The following DPP10 variants were observed in gnomAD, a reference collection of about 807,000 sequenced individuals.
The protein encoded by DPP10 is inactive dipeptidyl peptidase 10.
A neutral mutation model predicts 120.9 loss-of-function variants in DPP10; 33 were observed. That is an observed-to-expected ratio of 0.27 (90% CI 0.21 to 0.37). The LOEUF is 0.37. Among genes scored for constraint, DPP10 ranks in the 10% least tolerant of loss-of-function variants. The pLI is 1.00. For missense variants in DPP10, 816 were observed against 942.8 expected (o/e 0.87, Z 1.76); for synonymous variants, 337 against 326.1 (o/e 1.03, Z -0.36).
intron 1 of DPP10, among the ~76,000 whole-genome samples, chr2:115,083,485 A>C (rs1708441735): frequency 6.6e-6 from 1 of 152,160 alleles, no homozygotes; most frequent in Non-Finnish European, 1.5e-5. Context: ...CTACTAGAGA[A>C]ACCTGGCATA....
intron 1 of DPP10, among the ~76,000 whole-genome samples, chr2:114,602,830 A>G (rs1314092070): frequency 6.6e-6 from 1 of 152,000 alleles, no homozygotes; most frequent in Non-Finnish European, 1.5e-5. Flanking sequence ...GGTTTTTATT[A>G]TTGTTGTTTG....
At chr2:115,470,640 T>C (rs1258930744) in intron 3 of DPP10, among the ~76,000 whole-genome samples, 2 of 152,170 alleles carry the variant, frequency 1.3e-5, no homozygotes, top group Non-Finnish European at 2.9e-5. Context: ...CCATCACTGT[T>C]TGTGTGAGCA....
intron 1 of DPP10, among the ~76,000 whole-genome samples, chr2:115,292,075 G>A (rs1559375415): frequency 6.6e-6 from 1 of 151,882 alleles, no homozygotes; most frequent in African/African-American, 2.4e-5. Flanking sequence ...AAATATTTCT[G>A]GAAAAAAATT....
chr2:115,528,874 C>CT (rs113856069), intron 5 of DPP10, among the ~76,000 whole-genome samples: 31,282 of 151,814 alleles, frequency 0.21, 4,447 homozygotes, highest in African/African-American at 0.39. Flanking sequence ...ATGAGAGCAG[C>CT]TTTTTTTGTT....
At chr2:114,463,564 A>G (rs892485491) in intron 1 of DPP10, 3 of 152,200 alleles carry the variant, frequency 2.0e-5, no homozygotes, top group Admixed American at 2.0e-4. Flanking sequence ...CACCCTCTTC[A>G]GTGAAGTTAT....
intron 1 of DPP10, among the ~76,000 whole-genome samples, chr2:114,579,693 G>A (rs114360230): frequency 5.3e-4 from 80 of 152,310 alleles, no homozygotes; most frequent in South Asian, 1.2e-3. Flanking sequence ...TATAAATCTC[G>A]TCGGAGAGAA....
At chr2:114,997,783 C>A (rs1378421645) in intron 1 of DPP10, among the ~76,000 whole-genome samples, 1 of 152,040 alleles carries the variant, frequency 6.6e-6, no homozygotes, top group East Asian at 1.9e-4. Context: ...GGCTGAGTGT[C>A]CTTTATGCAA....
At chr2:115,233,171 C>A (rs969736496) in intron 1 of DPP10, among the ~76,000 whole-genome samples, 1 of 151,488 alleles carries the variant, frequency 6.6e-6, no homozygotes, top group Admixed American at 6.6e-5. Context: ...AATGATCTTT[C>A]ATCTAAATTA....
intron 3 of DPP10, among the ~76,000 whole-genome samples, chr2:115,365,706 T>C (rs918371412): frequency 6.6e-6 from 1 of 152,082 alleles, no homozygotes; most frequent in African/African-American, 2.4e-5. Flanking sequence ...GTTTTAGTTT[T>C]TCATAGATCT....
intron 1 of DPP10, among the ~76,000 whole-genome samples, chr2:114,903,878 A>G (rs1437443226): frequency 1.3e-5 from 2 of 152,258 alleles, no homozygotes; most frequent in Non-Finnish European, 2.9e-5. Context: ...CAAAAGAAGA[A>G]GTCTCAGAAT....
chr2:114,768,988 A>G (rs762781953), intron 1 of DPP10, among the ~76,000 whole-genome samples: 12 of 152,258 alleles, frequency 7.9e-5, no homozygotes, highest in Non-Finnish European at 1.6e-4. Flanking sequence ...TCCCAAGGGC[A>G]ATGGGGAACC....
intron 1 of DPP10, among the ~76,000 whole-genome samples, chr2:115,117,701 C>T (rs1443509151): frequency 6.6e-6 from 1 of 152,154 alleles, no homozygotes; most frequent in Non-Finnish European, 1.5e-5. Context: ...GCTTTGTAAG[C>T]TGAACATAAG....
chr2:114,468,397 C>CAAAAAAAAA (rs71297186), intron 1 of DPP10, among the ~76,000 whole-genome samples: 36 of 69,532 alleles, frequency 5.2e-4, no homozygotes, highest in African/African-American at 1.6e-3. Context: ...GCTTACAATG[C>CAAAAAAAAA]AAAAAAAAAA....
At chr2:114,581,624 A>G (rs1484869943) in intron 1 of DPP10, among the ~76,000 whole-genome samples, 7 of 152,130 alleles carry the variant, frequency 4.6e-5, no homozygotes, top group African/African-American at 2.4e-5. Flanking sequence ...TTGGCCTTTT[A>G]TAGTTACTCT....
At chr2:115,707,538 T>A (rs569071245) in intron 7 of DPP10, among the ~76,000 whole-genome samples, 2 of 151,778 alleles carry the variant, frequency 1.3e-5, no homozygotes, top group South Asian at 4.1e-4. Flanking sequence ...TGATTCTGAA[T>A]GTAGATTTTG....
At chr2:114,785,115 G>A (rs1208707252) in intron 1 of DPP10, among the ~76,000 whole-genome samples, 1 of 152,102 alleles carries the variant, frequency 6.6e-6, no homozygotes, top group African/African-American at 2.4e-5. Flanking sequence ...GGATGTGCAC[G>A]GCTGAACTGT....
chr2:115,442,689 T>A (rs1462313694), intron 3 of DPP10, among the ~76,000 whole-genome samples: 1 of 152,182 alleles, frequency 6.6e-6, no homozygotes, highest in Non-Finnish European at 1.5e-5. Flanking sequence ...TAAAGACAAA[T>A]TTACTAAATA....
At chr2:115,079,372 C>CAAAAAAAAAAGAA (rs57960886) in intron 1 of DPP10, among the ~76,000 whole-genome samples, 26,801 of 146,132 alleles carry the variant, frequency 0.18, 2,834 homozygotes, top group East Asian at 0.35. Context: ...TCTCAAAAAA[C>CAAAAAAAAAAGAA]AAAAAAAAAG....
chr2:114,446,603 G>C (rs936954485), intron 1 of DPP10, among the ~76,000 whole-genome samples: 1 of 152,050 alleles, frequency 6.6e-6, no homozygotes, highest in Non-Finnish European at 1.5e-5. Flanking sequence ...TTAGAAAAGA[G>C]TCTCAAGGTC....
Sources: allele counts gnomAD v4.1 joint callset (sites outside exome capture counted in the v4.1 genomes callset), GRCh38; gene constraint gnomAD v4.1.1; transcripts MANE v1.5; gene names NCBI Gene and HGNC (gene_info 2026-07-23, HGNC 2026-07-21).